RDX: variants seen among roughly 807,000 people sequenced by gnomAD.
RDX encodes the protein radixin, also known as deafness, autosomal recessive 24.
RDX carries 32 observed loss-of-function variants against 83.7 expected under a neutral mutation model. That is an observed-to-expected ratio of 0.38 (90% CI 0.29 to 0.51). The LOEUF (loss-of-function observed/expected upper bound fraction) is 0.51. RDX is among the 20% of genes least tolerant of loss of function. The probability of loss-of-function intolerance (pLI) is 0.87; values close to 1 mark genes in which losing one functional copy is unlikely to be tolerated. For missense variants in RDX, 600 were observed against 689.9 expected, an observed-to-expected ratio of 0.87 and a Z score of 1.46; for synonymous variants, 229 against 222.7, an observed-to-expected ratio of 1.03 and a Z score of -0.25.
rs1194199542 is a variant in RDX, at chr11:110,253,985, G to A, written c.920C>T (p.Ala307Val). The A allele has an allele frequency of 3.7e-6, 6 of 1,613,692 alleles. No homozygotes were observed. The highest frequency in any genetic ancestry group is 3.4e-6 in the Non-Finnish European group (4 of 1,179,830). Residue 307 changes from alanine (A) to valine (V), a missense_variant, in exon 9 of 14, where the codon GCT becomes GTT. Ala to Val is a moderately conservative substitution (Grantham distance 64, BLOSUM62 0). Coordinates refer to ENST00000645495, the MANE Select transcript of RDX (RefSeq NM_002906.4). ...CTGATGTTTCTCCTCCCTAGCCTGA[G>A]CCTTCATCTGTTGTACTTCAATAGT... ...PDTIEVQQMKAQAREEKHQKQ... is the reference protein window; with the variant it reads ...PDTIEVQQMKVQAREEKHQKQ...
At chr11:110,204,110 G>A (rs1188049569) in intron 14 of RDX, among the ~76,000 whole-genome samples, 1 of 152,186 alleles carries the variant, frequency 6.6e-6, no homozygotes, top group East Asian at 1.9e-4. Context: ...AGTCAACTCA[G>A]TAAGAAACAG....
At chr11:110,196,867 T>G (rs1347584931) in intron 15 of RDX, among the ~76,000 whole-genome samples, 2 of 152,184 alleles carry the variant, frequency 1.3e-5, no homozygotes, top group Non-Finnish European at 2.9e-5. Flanking sequence ...GGGGTCCTAT[T>G]CATGTGGAAA....
chr11:110,176,671 G>A (rs1481244143), intron 15 of RDX, among the ~76,000 whole-genome samples: 1 of 152,178 alleles, frequency 6.6e-6, no homozygotes, highest in African/African-American at 2.4e-5. Flanking sequence ...AATGCCAAGT[G>A]GTGAGAGGGG....
At chr11:110,268,212 G>C (rs1421395227) in intron 3 of RDX, among the ~76,000 whole-genome samples, 1 of 151,818 alleles carries the variant, frequency 6.6e-6, no homozygotes, top group Non-Finnish European at 1.5e-5. Context: ...GGAGGTTGAG[G>C]CGGAGAACTG....
chr11:110,233,451 T>G lies in RDX; in HGVS notation c.1373A>C (p.Lys458Thr). The G allele has an allele frequency of 6.2e-7, 1 of 1,614,112 alleles. No individual in the cohort carries two copies. The highest frequency in any genetic ancestry group is 8.5e-7 in the Non-Finnish European group (1 of 1,179,988). The change falls in exon 13 of 14, where the codon AAG (lysine) becomes ACG (threonine). Residue 458 changes from lysine (K) to threonine (T), a missense_variant. Lys to Thr is a moderately conservative substitution (Grantham distance 78). Transcript: ENST00000645495. ...KAFAAQEDLE[K>T]TKEELKTVMS... is the part of the protein sequence containing the mutation. ...CACAGTTTTTAACTCTTCTTTGGTC[T>G]TTTCCAAGTCTTCCTGGGCTGCAAA...
chr11:110,256,837 G>C (rs1859564855), intron 7 of RDX, among the ~76,000 whole-genome samples: 2 of 152,128 alleles, frequency 1.3e-5, no homozygotes, highest in Admixed American at 6.5e-5. Flanking sequence ...GAAGATATTA[G>C]GGTAAAAATA....
At chr11:110,196,870 T>C (rs775201552) in intron 15 of RDX, among the ~76,000 whole-genome samples, 1 of 152,206 alleles carries the variant, frequency 6.6e-6, no homozygotes. Context: ...GTCCTATTCA[T>C]GTGGAAACCA....
At chr11:110,194,821 T>C (rs1013884529) in intron 15 of RDX, among the ~76,000 whole-genome samples, 5 of 152,150 alleles carry the variant, frequency 3.3e-5, no homozygotes, top group African/African-American at 9.7e-5. Context: ...TTGAAAAACA[T>C]CAGTGACAGA....
intron 14 of RDX, among the ~76,000 whole-genome samples, chr11:110,209,311 T>A (rs1167482977): frequency 2.6e-5 from 4 of 152,202 alleles, no homozygotes; most frequent in Non-Finnish European, 5.9e-5. Flanking sequence ...CACGAGATTA[T>A]ATCCGGCACC....
intron 5 of RDX, among the ~76,000 whole-genome samples, chr11:110,261,326 A>G (rs1356498706): frequency 6.6e-6 from 1 of 152,230 alleles, no homozygotes; most frequent in African/African-American, 2.4e-5. Flanking sequence ...GTAAAAGTTT[A>G]TGTATATTTA....
chr11:110,216,548 T>C (rs1864061286), intron 14 of RDX, among the ~76,000 whole-genome samples: 3 of 150,638 alleles, frequency 2.0e-5, no homozygotes, highest in African/African-American at 4.9e-5. Context: ...TTTCTTTTTT[T>C]TTTTTTTTAA....
At chr11:110,261,812 C>A (rs1292275773) in intron 5 of RDX, among the ~76,000 whole-genome samples, 1 of 152,192 alleles carries the variant, frequency 6.6e-6, no homozygotes, top group Non-Finnish European at 1.5e-5. Flanking sequence ...CACCTTCCTT[C>A]TTTTTAAATA....
intron 14 of RDX, among the ~76,000 whole-genome samples, chr11:110,213,032 G>C (rs1314584467): frequency 1.1e-4 from 17 of 149,182 alleles, no homozygotes; most frequent in Non-Finnish European, 2.4e-4. Flanking sequence ...ATTAGGAAAA[G>C]AGGAAGTCAA....
intron 14 of RDX, among the ~76,000 whole-genome samples, chr11:110,220,250 T>G (rs1864198305): frequency 6.6e-6 from 1 of 152,064 alleles, no homozygotes; most frequent in African/African-American, 2.4e-5. Flanking sequence ...TACAAAAGGA[T>G]GAAAACTAAA....
rs112325478 is a variant in RDX, at chr11:110,279,449, C to T, written c.12+232G>A. 8.9e-4 allele frequency among the ~76,000 whole-genome samples: 135 copies of T among 152,258 alleles called. 1 individual carries two copies. Among genetic ancestry groups the T allele is most frequent in the African/African-American group, 3.2e-3 (131 of 41,546 alleles). On this transcript the variant is annotated intron_variant, in intron 2 of 13. Transcript: ENST00000645495. ...GCTGAGGCAGGAGAATCACTTGAAC[C>T]CAGAAAGGAGAGGTTGCAGTGAGCC...
At chr11:110,223,746 G>A (rs567290892) in intron 14 of RDX, among the ~76,000 whole-genome samples, 268 of 152,286 alleles carry the variant, frequency 1.8e-3, no homozygotes, top group African/African-American at 6.2e-3. Flanking sequence ...AAATTGATGA[G>A]CATAATCAAC....
At chr11:110,246,922 G>A (rs2134338540) in intron 10 of RDX, among the ~76,000 whole-genome samples, 1 of 152,296 alleles carries the variant, frequency 6.6e-6, no homozygotes, top group Middle Eastern at 3.4e-3. Context: ...CCAATTGTAA[G>A]AAAGCAGATT....
In RDX at chr11:110,231,761, GTGTAAGTGC is replaced by G; in HGVS notation, c.*99_*107del. On this transcript the variant is annotated 3_prime_UTR_variant, in exon 14 of 14. Coordinates refer to ENST00000645495, the MANE Select transcript of RDX (RefSeq NM_002906.4). ...TCTTTTAGCTAGCACAGTCAAACTG[GTGTAAGTGC>G]TTTGGCAAGGTGGGATGCATTCCAT... 8.4e-7 allele frequency: 1 copy of G among 1,196,220 alleles called. No individual in the cohort carries two copies. Among genetic ancestry groups the G allele is most frequent in the East Asian group, 2.3e-5 (1 of 42,960 alleles). The allele number at this position is 1,196,220 out of a possible 1,614,324, so 74.1% of individuals were successfully genotyped here. A position where few individuals can be genotyped will look rare whatever the true frequency, so the allele number is the denominator to read the frequency against.
chr11:110,267,988 A>G (rs1860130205), intron 3 of RDX, among the ~76,000 whole-genome samples: 1 of 151,984 alleles, frequency 6.6e-6, no homozygotes, highest in African/African-American at 2.4e-5. Context: ...AATAAGAAAA[A>G]AGCATTTAGA....
Sources: allele counts gnomAD v4.1 joint callset (sites outside exome capture counted in the v4.1 genomes callset), GRCh38; gene constraint gnomAD v4.1.1; transcripts MANE v1.5; gene names NCBI Gene and HGNC (gene_info 2026-07-23, HGNC 2026-07-21).